Variants in TASP1 observed in about 807,000 individuals in gnomAD.
TASP1 encodes the protein taspase 1.
A neutral mutation model predicts 56.6 loss-of-function variants in TASP1; 16 were observed. That is an observed-to-expected ratio of 0.28 (90% CI 0.19 to 0.43). The LOEUF (loss-of-function observed/expected upper bound fraction) is 0.43. Ranked by LOEUF, TASP1 falls within the 20% of genes least tolerant of loss-of-function variation. The pLI, the probability that TASP1 is intolerant of heterozygous loss-of-function variation, is 1.00. For synonymous variants in TASP1, 179 were observed against 184.2 expected (o/e 0.97, Z 0.23); for missense variants, 393 against 511.6 (o/e 0.77, Z 2.24).
the TASP1 span, among the ~76,000 whole-genome samples, chr20:13,247,408 A>G: frequency 2.0e-5 from 3 of 151,974 alleles, no homozygotes; most frequent in Non-Finnish European, 1.5e-5. Flanking sequence ...CATCTGATGA[A>G]GTTATCAGTG....
At chr20:13,124,827 G>T in the TASP1 span, among the ~76,000 whole-genome samples, 7,418 of 152,286 alleles carry the variant, frequency 0.049, 229 homozygotes, top group Middle Eastern at 0.095. Context: ...AGGCTCGGAA[G>T]TGGGAATGAA....
intron 13 of TASP1, among the ~76,000 whole-genome samples, chr20:13,394,307 CAAAA>C (rs57418361): frequency 4.7e-5 from 2 of 42,946 alleles, no homozygotes; most frequent in African/African-American, 9.2e-5. Context: ...CACTCCCTCT[CAAAA>C]AAAAAAAAAA....
At chr20:13,150,956 C>T in the TASP1 span, among the ~76,000 whole-genome samples, 1 of 152,204 alleles carries the variant, frequency 6.6e-6, no homozygotes, top group Non-Finnish European at 1.5e-5. Flanking sequence ...GCTCTCATAA[C>T]ACCAGATAAC....
chr20:13,154,822 T>C, the TASP1 span, among the ~76,000 whole-genome samples: 1 of 152,192 alleles, frequency 6.6e-6, no homozygotes, highest in African/African-American at 2.4e-5. Context: ...GGGACAATTT[T>C]ATACATGAGC....
intron 11 of TASP1, among the ~76,000 whole-genome samples, chr20:13,450,161 C>T (rs902798603): frequency 1.3e-5 from 2 of 152,034 alleles, no homozygotes; most frequent in Non-Finnish European, 2.9e-5. Flanking sequence ...ATGTAAATAA[C>T]TTAATTTAAA....
At chr20:13,150,902 A>G in the TASP1 span, among the ~76,000 whole-genome samples, 1 of 151,968 alleles carries the variant, frequency 6.6e-6, no homozygotes, top group African/African-American at 2.4e-5. Context: ...TTCATTCATC[A>G]TTTATTGATT....
intron 4 of TASP1, among the ~76,000 whole-genome samples, chr20:13,600,392 T>C (rs1162588263): frequency 6.6e-6 from 1 of 152,116 alleles, no homozygotes; most frequent in Non-Finnish European, 1.5e-5. Flanking sequence ...TTTAGATATA[T>C]AGATGAAAGA....
chr20:13,529,837 T>C (rs2045145047), intron 9 of TASP1, among the ~76,000 whole-genome samples: 1 of 152,146 alleles, frequency 6.6e-6, no homozygotes, highest in Non-Finnish European at 1.5e-5. Context: ...TTAGAAATCA[T>C]TCGCTCCAAT....
the TASP1 span, among the ~76,000 whole-genome samples, chr20:13,373,370 T>G: frequency 3.9e-4 from 59 of 152,244 alleles, no homozygotes; most frequent in Non-Finnish European, 6.6e-4. Context: ...ATGGACTCAA[T>G]TTCCATCTGG....
chr20:13,110,614 C>A, the TASP1 span, among the ~76,000 whole-genome samples: 1 of 152,146 alleles, frequency 6.6e-6, no homozygotes, highest in Admixed American at 6.6e-5. Flanking sequence ...GATGCCCCTA[C>A]CTGGACAGCA....
chr20:13,191,712 A>G, the TASP1 span, among the ~76,000 whole-genome samples: 1 of 152,214 alleles, frequency 6.6e-6, no homozygotes, highest in East Asian at 1.9e-4. Context: ...AATTTATTGT[A>G]TATTTCAAAA....
chr20:13,508,512 C>G (rs1033410650), intron 10 of TASP1, among the ~76,000 whole-genome samples: 56 of 152,058 alleles, frequency 3.7e-4, no homozygotes, highest in Admixed American at 3.3e-3. Flanking sequence ...GCAATTATTC[C>G]AAAATCTGAA....
chr20:13,390,152 G>A lies in TASP1; in HGVS notation c.*208C>T, dbSNP rs1030740190. The A allele has an allele frequency of 5.5e-5, 29 of 529,146 alleles. No individual in the cohort carries two copies. Among genetic ancestry groups the A allele is most frequent in the Non-Finnish European group, 9.3e-5 (27 of 290,480 alleles). 32.8% of individuals were successfully genotyped at this position (529,146 alleles called of 1,614,324 possible). A position where few individuals can be genotyped will look rare whatever the true frequency, so the allele number is the denominator to read the frequency against. On this transcript the variant is annotated 3_prime_UTR_variant, in exon 14 of 14. Transcript: ENST00000337743. ...CATACACATATGTGCGCACATACGC[G>A]CACACACTCACACACAGTCCCGCTC...
At chr20:13,342,721 G>A in the TASP1 span, among the ~76,000 whole-genome samples, 3 of 152,174 alleles carry the variant, frequency 2.0e-5, no homozygotes, top group Non-Finnish European at 4.4e-5. Flanking sequence ...GATTTCACAA[G>A]AGCCATAAAA....
chr20:13,497,625 A>G (rs1292485405), intron 10 of TASP1, among the ~76,000 whole-genome samples: 1 of 152,200 alleles, frequency 6.6e-6, no homozygotes, highest in Non-Finnish European at 1.5e-5. Flanking sequence ...TGACACTACC[A>G]TCAGAATATC....
Position 13,630,105 on chromosome 20 carries a change from G to GA in TASP1, c.-28dup, listed in dbSNP as rs1253495569. On this transcript the variant is annotated 5_prime_UTR_variant, in exon 2 of 14. An upstream open reading frame in the 5' UTR gains an earlier in-frame stop. Coordinates refer to ENST00000337743, the MANE Select transcript of TASP1 (RefSeq NM_017714.3). ...CTCCAAGATTACCATCTTCTACTGA[G>GA]AAAGGGGCATACTTCCATCCAAAAG... is the stretch of plus-strand genomic sequence containing the variant. 11 of 1,605,764 alleles carry GA rather than the reference G, an allele frequency of 6.9e-6. No individual in the cohort carries two copies. The highest frequency in any genetic ancestry group is 9.3e-6 in the Non-Finnish European group (11 of 1,177,290).
At chr20:13,592,569 T>G (rs1428592110) in intron 4 of TASP1, among the ~76,000 whole-genome samples, 2 of 152,164 alleles carry the variant, frequency 1.3e-5, no homozygotes, top group Non-Finnish European at 2.9e-5. Context: ...CTTCTCTCAT[T>G]GCTCATATTA....
the TASP1 span, among the ~76,000 whole-genome samples, chr20:13,320,714 T>C: frequency 0.52 from 79,078 of 151,992 alleles, 21,109 homozygotes; most frequent in East Asian, 0.67. Flanking sequence ...CATATTTCTC[T>C]TGAAGCAGTT....
the TASP1 span, among the ~76,000 whole-genome samples, chr20:13,327,090 A>T: frequency 1.3e-5 from 2 of 152,224 alleles, no homozygotes; most frequent in Non-Finnish European, 2.9e-5. Context: ...AAGCTTCTTA[A>T]GCTGATAAGC....
Sources: gnomAD v4.1 joint callset for allele counts (sites outside exome capture counted in the v4.1 genomes callset) on GRCh38, gnomAD v4.1.1 for gene constraint, MANE v1.5 for transcripts, NCBI Gene and HGNC (gene_info 2026-07-23, HGNC 2026-07-21) for gene names.